The following AHNAK2 variants were observed in gnomAD, a reference collection of about 807,000 sequenced individuals.
AHNAK2 encodes AHNAK nucleoprotein 2, also known as protein AHNAK2.
Under a neutral mutation model 30.7 loss-of-function variants are expected in AHNAK2, and 18 were observed. The ratio of observed to expected loss-of-function variants is 0.59; its 90% confidence interval spans 0.41 to 0.87. The LOEUF (loss-of-function observed/expected upper bound fraction) is 0.87, where lower values mean the gene tolerates loss of function less well. Ranked by LOEUF, AHNAK2 falls within the 40% of genes least tolerant of loss-of-function variation. The pLI is 0.00. For synonymous variants in AHNAK2, 3,590 were observed against 3,073.8 expected (o/e 1.17, Z -5.56); for missense variants, 8,604 against 7,373.0 (o/e 1.17, Z -6.11).
rs1008236826 is a variant in AHNAK2, at chr14:104,954,166, G to A, written c.1285C>T (p.Gln429Ter). The change falls in exon 7 of 7, where the codon CAG becomes TAG. Residue 429 changes from glutamine to a stop codon, truncating the protein, a stop_gained. Coordinates refer to ENST00000333244, the MANE Select transcript of AHNAK2 (RefSeq NM_138420.4). LOFTEE classifies it low-confidence loss of function (END_TRUNC). This position sits in a 1 kb window ranked among gnomAD's most constrained non-coding sequence, Gnocchi z 4.3. The stretch of plus-strand genomic sequence containing the variant: ...TTCCTCTGGGCCACTGCTGTCTCCT[G>A]TGCCTGCCCCTCCAGGGTCTTTCCA... The part of the protein sequence containing the change: ...LHGKTLEGQA[Q>*]ETAVAQRKPR... The A allele has an allele frequency of 1.9e-6, 3 of 1,610,278 alleles. No individual in the cohort carries two copies. The highest frequency in any genetic ancestry group is 2.5e-6 in the Non-Finnish European group (3 of 1,179,822).
At position 104,941,166 on chromosome 14, in the gene AHNAK2, A is replaced by C. The variant is rs1595390135; in HGVS notation, c.14285T>G (p.Val4762Gly). 6.2e-7 allele frequency: 1 copy of C among 1,613,484 alleles called. No individual in the cohort carries two copies. The highest frequency in any genetic ancestry group is 8.5e-7 in the Non-Finnish European group (1 of 1,179,888). ...CSEPSMQMPK[V>G]GFAGFPSSRL... ...GGATGATGGAAACCCAGCAAAACCC[A>C]CCTTAGGCATCTGCATGGATGGCTC... is the stretch of plus-strand genomic sequence containing the variant. Residue 4762 changes from valine (V) to glycine (G), a missense_variant, in exon 7 of 7, where the codon GTG (valine) becomes GGG (glycine). Transcript: ENST00000333244.
At chr14:104,974,601 C>CA (rs1899552274) in intron 1 of AHNAK2, among the ~76,000 whole-genome samples, 1 of 152,222 alleles carries the variant, frequency 6.6e-6, no homozygotes, top group South Asian at 2.1e-4. Flanking sequence ...GCACTGGCCA[C>CA]AAAAATGGGA....
rs369614707 is a variant in AHNAK2, at chr14:104,955,523, C to G, written c.426G>C (p.Leu142=). Residue 142 remains leucine (L), a synonymous_variant, in exon 5 of 7, where the codon CTG becomes CTC. Coordinates refer to ENST00000333244, the MANE Select transcript of AHNAK2 (RefSeq NM_138420.4). ...AAAGCTTGGCGGCTGAGGAGTCCTTCAGCACTTGCTTGACGAAGATCCCCT... is the reference window on the plus strand; with the variant it reads ...AAAGCTTGGCGGCTGAGGAGTCCTTGAGCACTTGCTTGACGAAGATCCCCT... ...GDQGIFVKQV[L]KDSSAAKLFN... is the part of the protein sequence containing the mutation. 2 of 1,613,542 alleles carry G rather than the reference C, an allele frequency of 1.2e-6. No individual in the cohort carries two copies. The highest frequency in any genetic ancestry group is 2.7e-5 in the African/African-American group (2 of 74,942).
At position 104,945,217 on chromosome 14, in the gene AHNAK2, C is replaced by G. The variant is rs1448888991; in HGVS notation, c.10234G>C (p.Asp3412His). 2.5e-6 allele frequency: 4 copies of G among 1,613,132 alleles called. No homozygotes were observed. The highest frequency in any genetic ancestry group is 2.5e-6 in the Non-Finnish European group (3 of 1,179,662). The change falls in exon 7 of 7, where the codon GAC (aspartate) becomes CAC (histidine). Residue 3412 changes from aspartate (D) to histidine (H), a missense_variant. By Grantham distance (81) the Asp-to-His change is moderately conservative. Transcript: ENST00000333244. ...AGGTCCAGCTTGGGGCCCTTGATGT[C>G]CACCTGGGGGCTCTTGAGGTCCACT... is the stretch of plus-strand genomic sequence containing the variant. Reference protein sequence around the residue: ...PKVDLKSPQVDIKGPKLDLKV... With the variant: ...PKVDLKSPQVHIKGPKLDLKV...
Position 104,941,564 on chromosome 14 carries a change from T to A in AHNAK2, c.13887A>T (p.Gln4629His), listed in dbSNP as rs746065918. The A allele has an allele frequency of 1.4e-5, 23 of 1,613,180 alleles. No homozygotes were observed. The highest frequency in any genetic ancestry group is 8.8e-5 in the South Asian group (8 of 91,082). The change falls in exon 7 of 7, where the codon CAA becomes CAT. Residue 4629 changes from glutamine to histidine, a missense_variant. Physicochemically the swap from Gln to His is conservative, Grantham distance 24. Coordinates refer to ENST00000333244, the MANE Select transcript of AHNAK2 (RefSeq NM_138420.4). ...EDVAGKDSKF[Q>H]GPKLSTSGFE... ...AACCAGACGTGCTCAGTTTTGGTCCTTGAAACTTACTGTCTTTCCCAGCTA... is the reference window on the plus strand; with the variant it reads ...AACCAGACGTGCTCAGTTTTGGTCCATGAAACTTACTGTCTTTCCCAGCTA...
intron 5 of AHNAK2, 154 bp downstream of exon 5, chr14:104,955,329 G>T: frequency 2.3e-6 from 3 of 1,297,092 alleles, no homozygotes; most frequent in Non-Finnish European, 3.1e-6. Flanking sequence ...TTTACTAGAT[G>T]CAGTGGGTGA....
Position 104,949,912 on chromosome 14 carries a change from C to G in AHNAK2, c.5539G>C (p.Asp1847His), listed in dbSNP as rs778258861. The G allele has an allele frequency of 1.1e-5, 18 of 1,589,744 alleles. No individual in the cohort carries two copies. The highest frequency in any genetic ancestry group is 1.7e-4 in the Middle Eastern group (1 of 6,034). Residue 1847 changes from aspartate to histidine, a missense_variant, in exon 7 of 7, where the codon GAT (aspartate) becomes CAT (histidine). Transcript: ENST00000333244. ...GCCTCCACCTTCGGCGCAGACACAT[C>G]CACCGAGGCCTCGATGGACTTGCCT... is the stretch of plus-strand genomic sequence containing the variant. Reference protein sequence around the residue: ...APGKSIEASVDVSAPKVEAEV... With the variant: ...APGKSIEASVHVSAPKVEAEV...
rs540053308 is a variant in AHNAK2 at position 104,941,547 on chromosome 14, G to A, written c.13904C>T (p.Thr4635Met). 98 of 1,613,102 alleles carry A rather than the reference G, an allele frequency of 6.1e-5. No homozygotes were observed. The highest frequency in any genetic ancestry group is 3.3e-4 in the African/African-American group (25 of 75,046). ...DSKFQGPKLS[T>M]SGFEWSSKKV... ...CTTTGACGACCATTCAAAACCAGAC[G>A]TGCTCAGTTTTGGTCCTTGAAACTT... Residue 4635 changes from threonine (T) to methionine (M), a missense_variant, in exon 7 of 7, where the codon ACG becomes ATG. Physicochemically the swap from Thr to Met is moderately conservative, Grantham distance 81. Transcript: ENST00000333244.
At position 104,949,063 on chromosome 14, in the gene AHNAK2, G is replaced by A. The variant is rs368101654; in HGVS notation, c.6388C>T (p.Leu2130=). ...EVDVQAPRAK[L]DSAHLQGDLT... is the part of the protein sequence containing the mutation. The stretch of plus-strand genomic sequence containing the variant: ...TCCCCCTGCAGATGCGCACTATCCA[G>A]CTTGGCTCTTGGGGCCTGGACGTCC... Residue 2130 remains leucine (L), a synonymous_variant, in exon 7 of 7, where the codon CTG becomes TTG. Transcript: ENST00000333244. 1.8e-5 allele frequency: 19 copies of A among 1,067,960 alleles called. 6 individuals carry two copies. The highest frequency in any genetic ancestry group is 2.6e-5 in the Non-Finnish European group (19 of 733,952). The allele number at this position is 1,067,960 out of a possible 1,614,324, so 66.2% of individuals were successfully genotyped here.
chr14:104,965,816 C>T (rs563957432), intron 1 of AHNAK2, among the ~76,000 whole-genome samples: 2 of 152,358 alleles, frequency 1.3e-5, no homozygotes, highest in African/African-American at 2.4e-5. Flanking sequence ...TCTGGCTGCT[C>T]CTCTGGCCAG....
rs375164356 is a variant in AHNAK2 at position 104,947,945 on chromosome 14, G to C, written c.7506C>G (p.Ile2502Met). ...GCGCAGACACATCCACCGAGGCCTC[G>C]ATGGACTTGCCTGGGGCAGACACCC... ...SFGVSAPGKSIEASVDVSAPK... is the reference protein window; with the variant it reads ...SFGVSAPGKSMEASVDVSAPK... Residue 2502 changes from isoleucine (I) to methionine (M), a missense_variant, in exon 7 of 7, where the codon ATC becomes ATG. Ile to Met is a conservative substitution (Grantham distance 10). Coordinates refer to ENST00000333244, the MANE Select transcript of AHNAK2 (RefSeq NM_138420.4). 60 of 1,612,658 alleles carry C rather than the reference G, an allele frequency of 3.7e-5. 1 individual carries two copies. The highest frequency in any genetic ancestry group is 2.6e-4 in the African/African-American group (19 of 74,376).
rs1164540368 is a variant in AHNAK2, at chr14:104,939,015, A to G, written c.16436T>C (p.Ile5479Thr). The G allele has an allele frequency of 6.2e-7, 1 of 1,610,482 alleles. No individual in the cohort carries two copies. Among genetic ancestry groups the G allele is most frequent in the Non-Finnish European group, 8.5e-7 (1 of 1,178,482 alleles). Residue 5479 changes from isoleucine to threonine, a missense_variant, in exon 7 of 7, where the codon ATA becomes ACA. Transcript: ENST00000333244. Reference sequence around the variant, plus strand: ...AAACTCTGGTGTCACTATGCTGTGTATAGTGACCTCTTGACTTTCAACCTG... The same window carrying G: ...AAACTCTGGTGTCACTATGCTGTGTGTAGTGACCTCTTGACTTTCAACCTG... ...GAQVESQEVT[I>T]HSIVTPEFVD...
At chr14:104,975,543 C>T (rs561421006) in intron 1 of AHNAK2, among the ~76,000 whole-genome samples, 2 of 152,348 alleles carry the variant, frequency 1.3e-5, no homozygotes, top group East Asian at 3.9e-4. Context: ...GCTCCTTTGC[C>T]TGCGGTCACC....
In AHNAK2 at chr14:104,938,748, G is replaced by C; in HGVS notation, c.16703C>G (p.Pro5568Arg). ...CATCTCAAATGGTTCTCCAGTGTCA[G>C]GCTGGAGATCTCCAGAAATGGAGTC... The part of the protein sequence containing the change: ...GVDSISGDLQ[P>R]DTGEPFEMIS... The change falls in exon 7 of 7, where the codon CCT (proline) becomes CGT (arginine). Residue 5568 changes from proline to arginine, a missense_variant. Transcript: ENST00000333244. The C allele has an allele frequency of 6.2e-7, 1 of 1,613,886 alleles. No individual in the cohort carries two copies. The highest frequency in any genetic ancestry group is 8.5e-7 in the Non-Finnish European group (1 of 1,179,870).
At position 104,954,712 on chromosome 14, in the gene AHNAK2, T is replaced by C; in HGVS notation, c.739A>G (p.Arg247Gly). 9.3e-6 allele frequency: 15 copies of C among 1,612,840 alleles called. No individual in the cohort carries two copies. The highest frequency in any genetic ancestry group is 1.3e-5 in the Non-Finnish European group (15 of 1,179,552). ...GDQERLISKP[R>G]VGRGRQSQRE... ...TGGCTCTGCCTGCCTCTCCCCACCC[T>C]TGGTTTGGAGATGAGTCTCTCTTGG... The change falls in exon 7 of 7, where the codon AGG (arginine) becomes GGG (glycine). Residue 247 changes from arginine to glycine, a missense_variant. Coordinates refer to ENST00000333244, the MANE Select transcript of AHNAK2 (RefSeq NM_138420.4). This position sits in a 1 kb window ranked among gnomAD's most constrained non-coding sequence, Gnocchi z 4.3.
At chr14:104,969,741 C>A (rs991767127) in intron 1 of AHNAK2, among the ~76,000 whole-genome samples, 1 of 152,216 alleles carries the variant, frequency 6.6e-6, no homozygotes, top group African/African-American at 2.4e-5. Context: ...CAGGGTAGCA[C>A]ATGTGCCACC....
In AHNAK2 at chr14:104,948,280, C is replaced by A; in HGVS notation, c.7171G>T (p.Val2391Leu). The part of the protein sequence containing the change: ...QVDVKLPEGP[V>L]PEGAGLKGHL... The stretch of plus-strand genomic sequence containing the variant: ...CCTTTGAGGCCGGCTCCCTCCGGCA[C>A]GGGGCCCTCTGGGAGTTTCACATCC... Residue 2391 changes from valine (V) to leucine (L), a missense_variant, in exon 7 of 7, where the codon GTG becomes TTG. By Grantham distance (32) the Val-to-Leu change is conservative (BLOSUM62 1). Coordinates refer to ENST00000333244, the MANE Select transcript of AHNAK2 (RefSeq NM_138420.4). The A allele has an allele frequency of 6.2e-7, 1 of 1,612,322 alleles. No homozygotes were observed. Among genetic ancestry groups the A allele is most frequent in the Non-Finnish European group, 8.5e-7 (1 of 1,179,538 alleles).
rs758388095 is a variant in AHNAK2, at chr14:104,941,625, C to G, written c.13826G>C (p.Arg4609Pro). 1 of 1,613,576 alleles carries G rather than the reference C, an allele frequency of 6.2e-7. No individual in the cohort carries two copies. The highest frequency in any genetic ancestry group is 8.5e-7 in the Non-Finnish European group (1 of 1,179,878). The change falls in exon 7 of 7, where the codon CGG (arginine) becomes CCG (proline). Residue 4609 changes from arginine (R) to proline (P), a missense_variant. By Grantham distance (103) the Arg-to-Pro change is moderately radical. Transcript: ENST00000333244. ...QAPGSMLDGARLEGDLSLAHE... is the reference protein window; with the variant it reads ...QAPGSMLDGAPLEGDLSLAHE... ...GGCCAGGGACAGGTCCCCCTCAAGC[C>G]GCGCACCATCCAGCATGGATCCTGG...
rs367598825 is a variant in AHNAK2 at position 104,946,982 on chromosome 14, G to A, written c.8469C>T (p.Phe2823=). The change falls in exon 7 of 7, where the codon TTC becomes TTT. Residue 2823 remains phenylalanine (F), a synonymous_variant. Transcript: ENST00000333244. ...FKMPKFKMPS[F]GVSAPGKSIE... ...TGGACTTGCCTGGGGCCGACACCCC[G>A]AATGACGGCATCTTGAACTTGGGCA... 1.0e-3 allele frequency: 1,661 copies of A among 1,611,372 alleles called. 29 individuals carry two copies. The African/African-American group carries it at 0.014, about 14-fold the overall frequency.
Sources: gnomAD v4.1 joint callset for allele counts (sites outside exome capture counted in the v4.1 genomes callset) on GRCh38, gnomAD v4.1.1 for gene constraint, Gnocchi (gnomAD v3.1) non-coding constraint, MANE v1.5 for transcripts, NCBI Gene and HGNC (gene_info 2026-07-23, HGNC 2026-07-21) for gene names.